CSMD2: variants seen among roughly 807,000 people sequenced by gnomAD.
CSMD2 encodes CUB and Sushi multiple domains 2, also known as CUB and sushi domain-containing protein 2.
A neutral mutation model predicts 398.5 loss-of-function variants in CSMD2; 130 were observed. The observed-to-expected ratio is 0.33, with a 90% CI of 0.28 to 0.38. CSMD2 has a LOEUF of 0.38. Ranked by LOEUF, CSMD2 falls within the 10% of genes least tolerant of loss-of-function variation. The pLI, the probability that CSMD2 is intolerant of heterozygous loss-of-function variation, is 1.00. For missense variants in CSMD2, 3,829 were observed against 4,764.9 expected (o/e 0.80, Z 5.78); for synonymous variants, 1,828 against 1,908.5 (o/e 0.96, Z 1.10).
At chr1:34,153,048 G>T (rs1262247314) in intron 1 of CSMD2, among the ~76,000 whole-genome samples, 3 of 151,988 alleles carry the variant, frequency 2.0e-5, no homozygotes, top group Admixed American at 6.6e-5. Context: ...ACAGACTCTC[G>T]CTCTGTCACC....
chr1:33,620,510 T>A (rs897004380), intron 37 of CSMD2, among the ~76,000 whole-genome samples: 4 of 152,176 alleles, frequency 2.6e-5, no homozygotes, highest in Non-Finnish European at 1.5e-5. Flanking sequence ...GAGGTGGATT[T>A]TTTTCCTGGG....
At chr1:33,735,951 C>T (rs1170376328) in intron 15 of CSMD2, among the ~76,000 whole-genome samples, 1 of 152,202 alleles carries the variant, frequency 6.6e-6, no homozygotes, top group Non-Finnish European at 1.5e-5. Flanking sequence ...CTTTAGCCAG[C>T]TCTGTCTAAG....
chr1:34,096,816 C>T (rs1300020243), intron 1 of CSMD2, among the ~76,000 whole-genome samples: 8 of 122,426 alleles, frequency 6.5e-5, no homozygotes, highest in Non-Finnish European at 1.2e-4. Context: ...GAATCAATAT[C>T]GTGAAAATGG....
Position 33,540,698 on chromosome 1 carries a change from G to C in CSMD2, c.9458C>G (p.Ala3153Gly). 1 of 1,614,110 alleles carries C rather than the reference G, an allele frequency of 6.2e-7. No individual in the cohort carries two copies. Among genetic ancestry groups the C allele is most frequent in the Non-Finnish European group, 8.5e-7 (1 of 1,179,994 alleles). Residue 3153 changes from alanine (A) to glycine (G), a missense_variant and splice_region_variant, in exon 60 of 71, where the codon GCT becomes GGT. By Grantham distance (60) the Ala-to-Gly change is moderately conservative. Transcript: ENST00000373381. ...TWNGTKPVCK[A>G]LMCKPPPLIP... ...GAGCGGAGGTGGCTTGCACATGAGA[G>C]CTGGAGGGAGACCAAAGCAGGCTGA...
At chr1:33,804,877 T>A in intron 10 of CSMD2, 1 of 717,432 alleles carries the variant, frequency 1.4e-6, no homozygotes, top group Non-Finnish European at 2.6e-6. Context: ...TTGCATTGTA[T>A]GTTCCCTGGG....
At chr1:33,917,159 A>G (rs1421182797) in intron 5 of CSMD2, among the ~76,000 whole-genome samples, 2 of 152,002 alleles carry the variant, frequency 1.3e-5, no homozygotes, top group East Asian at 3.9e-4. Flanking sequence ...CGCTATTCCC[A>G]CTGCGGCACC....
At chr1:33,570,727 AG>A (rs898916345) in intron 51 of CSMD2, among the ~76,000 whole-genome samples, 22 of 152,256 alleles carry the variant, frequency 1.4e-4, no homozygotes, top group African/African-American at 4.8e-4. Context: ...GTGGTTGAGG[AG>A]TCCTCCCACC....
At chr1:34,027,578 A>G (rs1223239290) in intron 3 of CSMD2, among the ~76,000 whole-genome samples, 2 of 152,268 alleles carry the variant, frequency 1.3e-5, no homozygotes, top group African/African-American at 4.8e-5. Flanking sequence ...GATGTTCTTC[A>G]CCTAAATGTC....
chr1:33,960,130 CCT>C (rs1299098522), intron 3 of CSMD2, among the ~76,000 whole-genome samples: 1 of 152,196 alleles, frequency 6.6e-6, no homozygotes, highest in African/African-American at 2.4e-5. Context: ...ATCCCTGGTG[CCT>C]CCAGGGCTGT....
At chr1:33,732,397 G>T (rs1166340209) in intron 15 of CSMD2, among the ~76,000 whole-genome samples, 1 of 152,180 alleles carries the variant, frequency 6.6e-6, no homozygotes, top group African/African-American at 2.4e-5. Context: ...CCTTTCAGGA[G>T]GTAAATAAGG....
intron 3 of CSMD2, among the ~76,000 whole-genome samples, chr1:33,992,737 C>T (rs894848337): frequency 3.3e-5 from 5 of 151,270 alleles, no homozygotes; most frequent in Admixed American, 6.6e-5. Context: ...ATTAGCCGGG[C>T]GTGGTGGTGG....
chr1:33,534,524 C>T (rs1186116388), intron 62 of CSMD2, among the ~76,000 whole-genome samples: 2 of 152,156 alleles, frequency 1.3e-5, no homozygotes, highest in Non-Finnish European at 2.9e-5. Context: ...ACCAGCCCCT[C>T]ACTGTACAAC....
chr1:33,635,475 G>A lies in CSMD2; in HGVS notation c.4970-145C>T. 1.7e-6 allele frequency: 1 copy of A among 578,212 alleles called. No individual in the cohort carries two copies. The highest frequency in any genetic ancestry group is 3.1e-6 in the Non-Finnish European group (1 of 323,468). 35.8% of individuals were successfully genotyped at this position (578,212 alleles called of 1,614,324 possible). On this transcript the variant is annotated intron_variant, in intron 30 of 70. Transcript: ENST00000373381. This position sits in a 1 kb window ranked among gnomAD's most constrained non-coding sequence, Gnocchi z 5.0. ...CCCTAGCTTGGAGAAGGCAAGTCCT[G>A]CGGACCCTGCCCTGCCCAAGAACGT...
chr1:34,070,602 G>A (rs941324169), intron 2 of CSMD2, among the ~76,000 whole-genome samples: 1 of 152,214 alleles, frequency 6.6e-6, no homozygotes, highest in African/African-American at 2.4e-5. Flanking sequence ...GAATTGAGAG[G>A]AGTAACACTG....
At chr1:33,682,587 A>C (rs1644942985) in intron 25 of CSMD2, among the ~76,000 whole-genome samples, 1 of 152,232 alleles carries the variant, frequency 6.6e-6, no homozygotes, top group Non-Finnish European at 1.5e-5. Context: ...GGAAAAGAAA[A>C]GGAGTCTTAG....
intron 14 of CSMD2, among the ~76,000 whole-genome samples, chr1:33,740,835 G>A (rs575167919): frequency 2.3e-4 from 35 of 152,244 alleles, no homozygotes; most frequent in African/African-American, 6.3e-4. Flanking sequence ...ACGCGCGCGC[G>A]TGCATGCGCA....
rs943169923 is a variant in CSMD2, at chr1:33,693,001, C to T, written c.3981G>A (p.Gly1327=). The change falls in exon 25 of 71, where the codon GGG becomes GGA. Residue 1327 remains glycine (G), a synonymous_variant. Coordinates refer to ENST00000373381, the MANE Select transcript of CSMD2 (RefSeq NM_001281956.2). ...GEVSGQVLSP[G]YPAPYEHNLN... ...GATTGTGTTCATAGGGAGCTGGATA[C>T]CCGGGTGACAGCACCTGCCCCGACA... The T allele has an allele frequency of 1.2e-6, 2 of 1,604,866 alleles. No homozygotes were observed. Among genetic ancestry groups the T allele is most frequent in the South Asian group, 2.2e-5 (2 of 89,500 alleles).
intron 2 of CSMD2, among the ~76,000 whole-genome samples, chr1:34,087,115 C>T (rs567364088): frequency 1.3e-5 from 2 of 152,152 alleles, no homozygotes; most frequent in South Asian, 2.1e-4. Flanking sequence ...ATCCTCCAAA[C>T]GGTGGCCCTG....
chr1:34,029,099 C>G lies in CSMD2; in HGVS notation c.517+3495G>C, dbSNP rs187641315. 4.6e-5 allele frequency among the ~76,000 whole-genome samples: 7 copies of G among 152,242 alleles called. No homozygotes were observed. In the East Asian group the frequency reaches 1.4e-3, roughly 29 times the overall value. ...GCAGGGCCCTGATGCCATTTTGAAA[C>G]GGACACAACAACATCATGAATAGCG... is the stretch of plus-strand genomic sequence containing the variant. On this transcript the variant is annotated intron_variant, in intron 3 of 70. Transcript: ENST00000373381.
Sources: allele counts gnomAD v4.1 joint callset (sites outside exome capture counted in the v4.1 genomes callset), GRCh38; gene constraint gnomAD v4.1.1; non-coding constraint Gnocchi (gnomAD v3.1); transcripts MANE v1.5; gene names NCBI Gene and HGNC (gene_info 2026-07-23, HGNC 2026-07-21).